Variants in SPAG6 observed in about 807,000 individuals in gnomAD.
SPAG6 encodes sperm associated antigen 6.
Under a neutral mutation model 58.5 loss-of-function variants are expected in SPAG6, and 49 were observed. That is an observed-to-expected ratio of 0.84 (90% CI 0.67 to 1.06). SPAG6 has a LOEUF of 1.06. Among genes scored for constraint, SPAG6 ranks in the 50% least tolerant of loss-of-function variants. SPAG6 has a pLI of 0.00. For missense variants in SPAG6, 560 were observed against 611.3 expected (o/e 0.92, Z 0.89); for synonymous variants, 233 against 225.6 (o/e 1.03, Z -0.29).
At chr10:22,388,027 G>A (rs1341921417) in intron 6 of SPAG6, 31 bp downstream of exon 6, 2 of 1,543,078 alleles carry the variant, frequency 1.3e-6, no homozygotes, top group Admixed American at 4.0e-5. Context: ...ACAATAATAT[G>A]TAGTAGTTAG....
intron 2 of SPAG6, among the ~76,000 whole-genome samples, chr10:22,353,835 T>G (rs1836794219): frequency 6.6e-6 from 1 of 152,194 alleles, no homozygotes; most frequent in African/African-American, 2.4e-5. Flanking sequence ...GGAGGAGGTA[T>G]ATAATCACAC....
At chr10:22,395,818 C>T (rs771125943) in intron 8 of SPAG6, among the ~76,000 whole-genome samples, 15 of 152,324 alleles carry the variant, frequency 9.8e-5, no homozygotes, top group South Asian at 6.2e-4. Flanking sequence ...TGTTCCTCTT[C>T]ATTTTAATAG....
intron 7 of SPAG6, among the ~76,000 whole-genome samples, chr10:22,391,420 A>G (rs1047584191): frequency 2.0e-5 from 3 of 152,218 alleles, no homozygotes; most frequent in Admixed American, 1.3e-4. Flanking sequence ...AGTCACAGTA[A>G]AATCTGGCTT....
chr10:22,345,500 A>C lies in SPAG6; in HGVS notation c.-112A>C. The C allele has an allele frequency of 1.1e-6, 1 of 889,536 alleles. No homozygotes were observed. The highest frequency in any genetic ancestry group is 1.7e-5 in the South Asian group (1 of 58,700). The allele number at this position is 889,536 out of a possible 1,614,324, so 55.1% of individuals were successfully genotyped here. A position where few individuals can be genotyped will look rare whatever the true frequency, so the allele number is the denominator to read the frequency against. The stretch of plus-strand genomic sequence containing the variant: ...GCCCGGGAGACGCGGGTACACAGAG[A>C]AGCGGCTCCCGTCGGAGGCCGAGTC... On this transcript the variant is annotated 5_prime_UTR_variant, in exon 1 of 11. Transcript: ENST00000376624. This position sits in a 1 kb window ranked among gnomAD's most constrained non-coding sequence, Gnocchi z 6.3.
At chr10:22,398,377 T>C (rs912006955) in intron 8 of SPAG6, among the ~76,000 whole-genome samples, 4 of 151,930 alleles carry the variant, frequency 2.6e-5, no homozygotes, top group Non-Finnish European at 5.9e-5. Context: ...CAAGTGATTT[T>C]AAAAATTGAT....
chr10:22,397,242 G>A (rs543352132), intron 8 of SPAG6, among the ~76,000 whole-genome samples: 2 of 151,952 alleles, frequency 1.3e-5, no homozygotes, highest in South Asian at 2.1e-4. Flanking sequence ...ACAAATCATA[G>A]AACTAATAAG....
At chr10:22,397,267 A>G (rs1834316165) in intron 8 of SPAG6, among the ~76,000 whole-genome samples, 2 of 152,142 alleles carry the variant, frequency 1.3e-5, no homozygotes, top group African/African-American at 2.4e-5. Context: ...CAACAAAGTC[A>G]TGGGATACAA....
intron 10 of SPAG6, chr10:22,411,590 T>G (rs193016003): frequency 5.2e-5 from 8 of 153,470 alleles, no homozygotes; most frequent in African/African-American, 1.7e-4. Context: ...AAAGAGATGT[T>G]GAGTAACAAC....
At chr10:22,377,712 A>G (rs1399795824) in intron 4 of SPAG6, among the ~76,000 whole-genome samples, 5 of 152,230 alleles carry the variant, frequency 3.3e-5, no homozygotes, top group Non-Finnish European at 5.9e-5. Context: ...GACCACGTTT[A>G]TAAAAACATG....
chr10:22,397,627 A>G (rs1316552422), intron 8 of SPAG6, among the ~76,000 whole-genome samples: 2 of 152,120 alleles, frequency 1.3e-5, no homozygotes, highest in Non-Finnish European at 2.9e-5. Flanking sequence ...TCTCAATTGT[A>G]TTTTCATGTA....
intron 2 of SPAG6, among the ~76,000 whole-genome samples, chr10:22,351,349 G>T (rs1003959184): frequency 1.3e-5 from 2 of 152,146 alleles, no homozygotes; most frequent in African/African-American, 2.4e-5. Flanking sequence ...CTCTTTAAAC[G>T]CACGCAGAGG....
chr10:22,395,427 G>C lies in SPAG6; in HGVS notation c.1197+3507G>C, dbSNP rs531341983. ...ATTTTTGATTGTAGTCATCCTAGTG[G>C]GTTTGAATTGGTATCTCATTGTGGT... On this transcript the variant is annotated intron_variant, in intron 8 of 10. Transcript: ENST00000376624. 2.6e-5 allele frequency among the ~76,000 whole-genome samples: 4 copies of C among 152,204 alleles called. No homozygotes were observed. The South Asian group carries it at 8.3e-4, about 32-fold the overall frequency.
At position 22,368,695 on chromosome 10, in the gene SPAG6, A is replaced by T; in HGVS notation, c.472+17A>T. The T allele has an allele frequency of 6.4e-7, 1 of 1,571,864 alleles. No homozygotes were observed. Among genetic ancestry groups the T allele is most frequent in the East Asian group, 2.2e-5 (1 of 44,482 alleles). On this transcript the variant is annotated intron_variant, in intron 4 of 10. Transcript: ENST00000376624. ...ATAATGCAGGTAATTTAAAATATGC[A>T]GGAGCATATTTTAAAATAGGATTAT... is the stretch of plus-strand genomic sequence containing the variant.
chr10:22,376,154 G>A (rs1051817943), intron 4 of SPAG6, among the ~76,000 whole-genome samples: 1 of 152,092 alleles, frequency 6.6e-6, no homozygotes, highest in African/African-American at 2.4e-5. Flanking sequence ...GGAGCAACTT[G>A]GGTATGTGAC....
chr10:22,367,424 G>C (rs1354959948), intron 3 of SPAG6, among the ~76,000 whole-genome samples: 1 of 152,086 alleles, frequency 6.6e-6, no homozygotes, highest in East Asian at 1.9e-4. Context: ...TGATTTTTAA[G>C]ATATACTATG....
chr10:22,386,069 A>G (rs1028762127), intron 4 of SPAG6, among the ~76,000 whole-genome samples: 1 of 152,224 alleles, frequency 6.6e-6, no homozygotes, highest in African/African-American at 2.4e-5. Context: ...AAGTAAATCA[A>G]CATGTATGTT....
intron 3 of SPAG6, among the ~76,000 whole-genome samples, chr10:22,365,676 G>C (rs1413169520): frequency 6.6e-6 from 1 of 152,144 alleles, no homozygotes; most frequent in East Asian, 1.9e-4. Flanking sequence ...CCTAGGGATA[G>C]AGCTTTCTTG....
chr10:22,375,723 C>A (rs561509615), intron 4 of SPAG6, among the ~76,000 whole-genome samples: 1 of 151,526 alleles, frequency 6.6e-6, no homozygotes, highest in Non-Finnish European at 1.5e-5. Flanking sequence ...CGATTACAGG[C>A]GCCTGCCACC....
At chr10:22,365,715 G>A (rs1013708319) in intron 3 of SPAG6, among the ~76,000 whole-genome samples, 16 of 152,054 alleles carry the variant, frequency 1.1e-4, no homozygotes, top group Non-Finnish European at 1.9e-4. Flanking sequence ...ATTCCTATTT[G>A]TGTAACAAAA....
Sources: allele counts gnomAD v4.1 joint callset (sites outside exome capture counted in the v4.1 genomes callset), GRCh38; gene constraint gnomAD v4.1.1; non-coding constraint Gnocchi (gnomAD v3.1); transcripts MANE v1.5; gene names NCBI Gene and HGNC (gene_info 2026-07-23, HGNC 2026-07-21).